GFRA2: variants seen among roughly 807,000 people sequenced by gnomAD.
The protein encoded by GFRA2 is GDNF family receptor alpha-2.
Under a neutral mutation model 48.3 loss-of-function variants are expected in GFRA2, and 17 were observed. That is an observed-to-expected ratio of 0.35 (90% confidence interval 0.24 to 0.53). The LOEUF (loss-of-function observed/expected upper bound fraction) is 0.53. GFRA2 is among the 20% of genes least tolerant of loss of function. GFRA2 has a pLI of 0.93. For synonymous variants in GFRA2, 305 were observed against 257.2 expected, an observed-to-expected ratio of 1.19 and a Z score of -1.78; for missense variants, 660 against 637.3, an observed-to-expected ratio of 1.04 and a Z score of -0.38.
At chr8:21,705,605 G>A (rs777562350) in intron 5 of GFRA2, among the ~76,000 whole-genome samples, 2 of 152,260 alleles carry the variant, frequency 1.3e-5, no homozygotes, top group Non-Finnish European at 2.9e-5. Context: ...GCTGTTGGGA[G>A]AATTCAGTAA....
chr8:21,699,243 G>A (rs1802354197), intron 7 of GFRA2, among the ~76,000 whole-genome samples: 1 of 152,206 alleles, frequency 6.6e-6, no homozygotes, highest in African/African-American at 2.4e-5. Context: ...TCTGTGTGCT[G>A]GGTATGAGAC....
chr8:21,761,315 T>A (rs1805900193), intron 3 of GFRA2, among the ~76,000 whole-genome samples: 2 of 152,218 alleles, frequency 1.3e-5, no homozygotes, highest in South Asian at 4.1e-4. Flanking sequence ...AACCACCAAG[T>A]CACCTGCCAT....
chr8:21,693,540 C>T (rs544715666), intron 8 of GFRA2, 140 bp from the exon 9 acceptor site: 4 of 730,576 alleles, frequency 5.5e-6, no homozygotes, highest in South Asian at 2.0e-5. Context: ...CCCACAGGGA[C>T]CCTCCTTTGC....
At chr8:21,732,438 G>A (rs945120447) in intron 4 of GFRA2, among the ~76,000 whole-genome samples, 2 of 152,236 alleles carry the variant, frequency 1.3e-5, no homozygotes, top group African/African-American at 4.8e-5. Flanking sequence ...ATGGCAGTGA[G>A]GGATGAGTCT....
intron 2 of GFRA2, among the ~76,000 whole-genome samples, chr8:21,794,751 G>A (rs957850523): frequency 2.6e-5 from 4 of 151,988 alleles, no homozygotes; most frequent in East Asian, 3.9e-4. Context: ...TTGACCCCTC[G>A]CCAACATCCC....
chr8:21,740,101 TAG>T (rs1306111627), intron 4 of GFRA2, among the ~76,000 whole-genome samples: 2 of 152,144 alleles, frequency 1.3e-5, no homozygotes, highest in Non-Finnish European at 2.9e-5. Context: ...CTCCCCACAC[TAG>T]AGTCTGTCCC....
intron 1 of GFRA2, among the ~76,000 whole-genome samples, chr8:21,810,417 G>C (rs896559560): frequency 9.2e-5 from 14 of 152,166 alleles, no homozygotes; most frequent in African/African-American, 3.1e-4. Flanking sequence ...TCCCCTCCTG[G>C]ACAGAGTCCT....
chr8:21,760,925 C>A (rs1045778644), intron 3 of GFRA2, among the ~76,000 whole-genome samples: 1 of 152,116 alleles, frequency 6.6e-6, no homozygotes, highest in Admixed American at 6.6e-5. Context: ...GACACCCCCC[C>A]AAATACTTAG....
chr8:21,708,077 G>C (rs900828771), intron 4 of GFRA2, among the ~76,000 whole-genome samples: 1 of 152,210 alleles, frequency 6.6e-6, no homozygotes, highest in African/African-American at 2.4e-5. Context: ...AACAAGGTGG[G>C]CACCATTTCT....
chr8:21,720,771 A>T (rs561857819), intron 4 of GFRA2, among the ~76,000 whole-genome samples: 16 of 152,264 alleles, frequency 1.1e-4, no homozygotes, highest in African/African-American at 3.4e-4. Context: ...CCTTCTCTGA[A>T]TGCCTTGTCC....
intron 7 of GFRA2, among the ~76,000 whole-genome samples, chr8:21,701,797 C>T (rs77195489): frequency 6.6e-6 from 1 of 152,158 alleles, no homozygotes; most frequent in South Asian, 2.1e-4. Context: ...CAACTGATGG[C>T]TCGGCAAACT....
intron 7 of GFRA2, among the ~76,000 whole-genome samples, chr8:21,697,798 T>A (rs1802282774): frequency 6.6e-6 from 1 of 152,094 alleles, no homozygotes; most frequent in African/African-American, 2.4e-5. Flanking sequence ...TGGTAGTGAG[T>A]AAGTCCCATG....
At chr8:21,715,880 G>GGA (rs1044227480) in intron 4 of GFRA2, among the ~76,000 whole-genome samples, 1 of 152,068 alleles carries the variant, frequency 6.6e-6, no homozygotes, top group Non-Finnish European at 1.5e-5. Context: ...GAAAAGCAAG[G>GGA]GAGAGAGAGA....
intron 3 of GFRA2, among the ~76,000 whole-genome samples, chr8:21,758,181 G>A (rs1210953326): frequency 6.8e-6 from 1 of 148,050 alleles, no homozygotes; most frequent in Non-Finnish European, 1.5e-5. Context: ...TAGGGGAGGA[G>A]CAGGGCTGCC....
chr8:21,748,984 C>A (rs908471286), intron 4 of GFRA2, among the ~76,000 whole-genome samples: 2 of 152,166 alleles, frequency 1.3e-5, no homozygotes, highest in African/African-American at 2.4e-5. Context: ...GCCCCCTCCT[C>A]CCCTGGACAC....
At chr8:21,718,641 T>A (rs1399131984) in intron 4 of GFRA2, among the ~76,000 whole-genome samples, 1 of 152,190 alleles carries the variant, frequency 6.6e-6, no homozygotes, top group Non-Finnish European at 1.5e-5. Flanking sequence ...AAGGGCCATG[T>A]TCTCTCTGAC....
At chr8:21,719,191 C>T (rs1342396865) in intron 4 of GFRA2, among the ~76,000 whole-genome samples, 1 of 152,108 alleles carries the variant, frequency 6.6e-6, no homozygotes, top group Non-Finnish European at 1.5e-5. Flanking sequence ...AATATGCCAC[C>T]CAGAGCAGGG....
intron 4 of GFRA2, among the ~76,000 whole-genome samples, chr8:21,735,695 C>T (rs1017562021): frequency 6.6e-6 from 1 of 152,214 alleles, no homozygotes; most frequent in African/African-American, 2.4e-5. Context: ...AGGGTCTGTA[C>T]TCTGTCACCT....
chr8:21,789,180 G>C (rs1807439590), upstream of GFRA2: 1 of 158,636 alleles, frequency 6.3e-6, no homozygotes, highest in Non-Finnish European at 1.4e-5. Flanking sequence ...CGGCTCCCTC[G>C]GCTCAATCGC....
Sources: allele counts gnomAD v4.1 joint callset (sites outside exome capture counted in the v4.1 genomes callset), GRCh38; gene constraint gnomAD v4.1.1; transcripts MANE v1.5; gene names NCBI Gene and HGNC (gene_info 2026-07-23, HGNC 2026-07-21).